PCDH15: variants seen among roughly 807,000 people sequenced by gnomAD.
PCDH15 encodes protocadherin-15.
Under a neutral mutation model 178.5 loss-of-function variants are expected in PCDH15, and 129 were observed. The observed-to-expected ratio is 0.72, with a 90% CI of 0.63 to 0.84. The LOEUF is 0.84. PCDH15 is among the 40% of genes least tolerant of loss of function. The probability of loss-of-function intolerance (pLI) is 0.00; values close to 1 mark genes in which losing one functional copy is unlikely to be tolerated. For synonymous variants in PCDH15, 800 were observed against 732.0 expected (o/e 1.09, Z -1.50); for missense variants, 2,230 against 2,099.9 (o/e 1.06, Z -1.21).
Position 55,463,985 on chromosome 10 carries a change from AAGAAAGAG to A in PCDH15, c.-156+163632_-156+163639del, listed in dbSNP as rs1262432160. Reference sequence around the variant, plus strand: ...AGAAAGAAAGAAAGAGAAAGAAAGAAAGAAAGAGAAAGAAAGAAAGAAAGAAAGAAAGA... The same window carrying A: ...AGAAAGAAAGAAAGAGAAAGAAAGAAAAAGAAAGAAAGAAAGAAAGAAAGA... On this transcript the variant is annotated intron_variant, in intron 2 of 5. Coordinates refer to the PCDH15 transcript ENST00000613346. Among the ~76,000 whole-genome samples, 3 of 35,814 alleles carry A rather than the reference AAGAAAGAG, an allele frequency of 8.4e-5. 1 individual carries two copies. Among genetic ancestry groups the A allele is most frequent in the African/African-American group, 7.5e-4 (3 of 4,010 alleles). 23.5% of individuals were successfully genotyped at this position (35,814 alleles called of 152,430 possible). A position where few individuals can be genotyped will look rare whatever the true frequency, so the allele number is the denominator to read the frequency against.
chr10:55,524,927 G>T lies in PCDH15; in HGVS notation c.-156+102698C>A, dbSNP rs1394047179. Among the ~76,000 whole-genome samples, 8 of 151,752 alleles carry T rather than the reference G, an allele frequency of 5.3e-5. No individual in the cohort carries two copies. The Admixed American group carries it at 5.3e-4, about 10-fold the overall frequency. ...TTTACATTGTTGTTTTTAAACAGAT[G>T]AAACTAAAATTTTAAGTTTAATTAC... is the stretch of plus-strand genomic sequence containing the variant. On this transcript the variant is annotated intron_variant, in intron 2 of 5. Transcript: ENST00000613346.
chr10:54,730,327 C>A (rs1365801361), intron 1 of PCDH15, among the ~76,000 whole-genome samples: 1 of 151,440 alleles, frequency 6.6e-6, no homozygotes, highest in Non-Finnish European at 1.5e-5. Context: ...ATATTCTCAC[C>A]TATACATGGG....
chr10:54,212,879 T>C (rs946050243), intron 10 of PCDH15, among the ~76,000 whole-genome samples: 4 of 152,146 alleles, frequency 2.6e-5, no homozygotes, highest in African/African-American at 9.7e-5. Flanking sequence ...TTATTAGTAA[T>C]GTAACTCTAA....
chr10:53,840,641 A>G (rs1179069729), intron 28 of PCDH15, 145 bp from the exon 29 acceptor site: 8 of 783,794 alleles, frequency 1.0e-5, no homozygotes, highest in Non-Finnish European at 1.7e-5. Flanking sequence ...TAAACCCTTG[A>G]AAAACATTCT....
intron 18 of PCDH15, among the ~76,000 whole-genome samples, chr10:54,024,494 C>T (rs534521194): frequency 9.9e-5 from 15 of 152,228 alleles, no homozygotes; most frequent in African/African-American, 3.6e-4. Flanking sequence ...AATGGGGATG[C>T]TGAATATTTG....
At chr10:54,373,352 T>C (rs1157436470) in intron 4 of PCDH15, among the ~76,000 whole-genome samples, 1 of 151,864 alleles carries the variant, frequency 6.6e-6, no homozygotes, top group Non-Finnish European at 1.5e-5. Context: ...ATTTCACAAG[T>C]AATGTGGAAG....
In PCDH15 at chr10:54,251,306, C is replaced by A. The variant is rs186114488; in HGVS notation, c.877-14375G>T. The stretch of plus-strand genomic sequence containing the variant: ...TGCTTTAACTGTGATTCATAATTAA[C>A]ACTTTTGATCTGCAAACACAGGTTC... On this transcript the variant is annotated intron_variant, in intron 8 of 37. Transcript: ENST00000644397. Among the ~76,000 whole-genome samples the A allele has an allele frequency of 2.0e-5, 3 of 152,276 alleles. No homozygotes were observed. The East Asian group carries it at 5.8e-4, about 29-fold the overall frequency.
At chr10:55,327,502 G>T (rs1375630503) in intron 2 of PCDH15, among the ~76,000 whole-genome samples, 1 of 152,030 alleles carries the variant, frequency 6.6e-6, no homozygotes, top group East Asian at 1.9e-4. Context: ...ACATACAACA[G>T]AAAAGGATTA....
In PCDH15 at chr10:55,090,664, A is replaced by C. The variant is rs897446865; in HGVS notation, c.-80+75912T>G. 6.6e-5 allele frequency among the ~76,000 whole-genome samples: 10 copies of C among 152,194 alleles called. No individual in the cohort carries two copies. In the East Asian group the frequency reaches 1.7e-3, roughly 27 times the overall value. On this transcript the variant is annotated intron_variant, in intron 2 of 5. Coordinates refer to the PCDH15 transcript ENST00000458638. ...TCACCACATTCAGCTCTTTGACATG[A>C]CACACTTCAGCACATATATCAACAA...
At chr10:55,310,732 G>C (rs1843565612) in intron 1 of PCDH15, among the ~76,000 whole-genome samples, 1 of 152,274 alleles carries the variant, frequency 6.6e-6, no homozygotes, top group South Asian at 2.1e-4. Context: ...CAGGGACATA[G>C]ATAAAGCTGG....
intron 2 of PCDH15, among the ~76,000 whole-genome samples, chr10:55,103,873 T>A (rs10825464): frequency 1.3e-5 from 2 of 152,044 alleles, no homozygotes; most frequent in African/African-American, 4.8e-5. Flanking sequence ...TAAAAGACAG[T>A]TGCTTACTGA....
intron 5 of PCDH15, among the ~76,000 whole-genome samples, chr10:54,351,048 G>A (rs1402529358): frequency 6.6e-6 from 1 of 151,900 alleles, no homozygotes; most frequent in African/African-American, 2.4e-5. Flanking sequence ...AGGTTGCAGT[G>A]AGCTGAGATC....
chr10:55,268,411 G>A (rs1842356417), intron 1 of PCDH15, among the ~76,000 whole-genome samples: 1 of 152,044 alleles, frequency 6.6e-6, no homozygotes, highest in African/African-American at 2.4e-5. Flanking sequence ...AGATAATATG[G>A]ATTAATTCTC....
intron 2 of PCDH15, among the ~76,000 whole-genome samples, chr10:55,334,785 T>C (rs1465320319): frequency 1.3e-5 from 2 of 152,204 alleles, no homozygotes; most frequent in African/African-American, 4.8e-5. Context: ...TTTATTTTGG[T>C]ATGAAGACAT....
intron 14 of PCDH15, among the ~76,000 whole-genome samples, chr10:54,138,946 C>A (rs931660918): frequency 6.6e-6 from 1 of 150,950 alleles, no homozygotes; most frequent in Non-Finnish European, 1.5e-5. Context: ...TAAAAGAATA[C>A]ACATAAGTAA....
intron 2 of PCDH15, among the ~76,000 whole-genome samples, chr10:54,576,267 G>C (rs574398692): frequency 1.3e-5 from 2 of 152,242 alleles, no homozygotes; most frequent in African/African-American, 4.8e-5. Context: ...TTAAGTATAA[G>C]TTTTCTATAA....
At chr10:55,251,701 C>T (rs1164287465) in intron 1 of PCDH15, among the ~76,000 whole-genome samples, 1 of 152,072 alleles carries the variant, frequency 6.6e-6, no homozygotes, top group Non-Finnish European at 1.5e-5. Context: ...TCCACAGGTC[C>T]AATTGTTGAA....
At chr10:55,458,510 C>A (rs956689075) in intron 2 of PCDH15, among the ~76,000 whole-genome samples, 8 of 152,012 alleles carry the variant, frequency 5.3e-5, no homozygotes, top group African/African-American at 1.9e-4. Flanking sequence ...AAATTTAGGG[C>A]ATGACATTGC....
chr10:54,110,144 G>A (rs996580356), intron 15 of PCDH15, among the ~76,000 whole-genome samples: 24 of 151,980 alleles, frequency 1.6e-4, no homozygotes, highest in Admixed American at 3.9e-4. Context: ...TCTGTGCTGC[G>A]CCAGTGGCAG....
Sources: gnomAD v4.1 joint callset for allele counts (sites outside exome capture counted in the v4.1 genomes callset) on GRCh38, gnomAD v4.1.1 for gene constraint, MANE v1.5 for transcripts, NCBI Gene and HGNC (gene_info 2026-07-23, HGNC 2026-07-21) for gene names.